FHIT: variants seen among roughly 807,000 people sequenced by gnomAD.
The protein encoded by FHIT is bis(5'-adenosyl)-triphosphatase.
Under a neutral mutation model 17.9 loss-of-function variants are expected in FHIT, and 19 were observed. The observed-to-expected ratio is 1.06, with a 90% confidence interval of 0.74 to 1.56. The LOEUF (loss-of-function observed/expected upper bound fraction) is 1.56. Ranked by LOEUF, FHIT falls within the 40% of genes most tolerant of loss-of-function variation. FHIT has a pLI of 0.00. For synonymous variants in FHIT, 81 were observed against 69.7 expected (o/e 1.16, Z -0.81); for missense variants, 248 against 189.2 (o/e 1.31, Z -1.82).
intron 5 of FHIT, among the ~76,000 whole-genome samples, chr3:60,352,995 T>A (rs915275803): frequency 8.5e-5 from 13 of 152,210 alleles, no homozygotes; most frequent in Non-Finnish European, 1.8e-4. Flanking sequence ...GGTGGCTCAC[T>A]GGATGGCATT....
intron 7 of FHIT, among the ~76,000 whole-genome samples, chr3:59,936,438 A>G (rs1276825564): frequency 7.2e-6 from 1 of 139,854 alleles, no homozygotes; most frequent in Admixed American, 7.3e-5. Flanking sequence ...ACTGTTTGCT[A>G]TACACATAAT....
chr3:60,630,945 A>ACC (rs1278183186), intron 4 of FHIT, among the ~76,000 whole-genome samples: 7 of 108,158 alleles, frequency 6.5e-5, no homozygotes, highest in Non-Finnish European at 1.2e-4. Context: ...AAAAAAAAAA[A>ACC]AAAAAAAAAA....
At chr3:60,513,496 A>G (rs1324754281) in intron 5 of FHIT, among the ~76,000 whole-genome samples, 2 of 152,214 alleles carry the variant, frequency 1.3e-5, no homozygotes, top group African/African-American at 4.8e-5. Context: ...TCCCCTACAT[A>G]AAAAAGGCAA....
intron 5 of FHIT, among the ~76,000 whole-genome samples, chr3:60,148,220 C>T (rs952062218): frequency 1.3e-5 from 2 of 152,174 alleles, no homozygotes; most frequent in Non-Finnish European, 1.5e-5. Context: ...CAGTGTTATA[C>T]ATTACACATA....
At chr3:60,335,624 C>A (rs1483330235) in intron 5 of FHIT, among the ~76,000 whole-genome samples, 2 of 152,016 alleles carry the variant, frequency 1.3e-5, no homozygotes, top group Non-Finnish European at 2.9e-5. Flanking sequence ...TAGCCCAAAT[C>A]GGGTGCTGTG....
intron 5 of FHIT, among the ~76,000 whole-genome samples, chr3:60,171,986 G>T (rs980732677): frequency 6.6e-6 from 1 of 151,960 alleles, no homozygotes; most frequent in African/African-American, 2.4e-5. Context: ...TGCCTTTCAC[G>T]TATCAGGTAG....
intron 3 of FHIT, among the ~76,000 whole-genome samples, chr3:60,874,094 G>C (rs1361973254): frequency 6.6e-6 from 1 of 152,162 alleles, no homozygotes; most frequent in African/African-American, 2.4e-5. Context: ...CTTATGAGTT[G>C]TGTAACCTGG....
intron 2 of FHIT, among the ~76,000 whole-genome samples, chr3:61,152,802 T>C (rs1247402598): frequency 6.6e-6 from 1 of 152,186 alleles, no homozygotes; most frequent in Non-Finnish European, 1.5e-5. Context: ...GTAGGAAAGA[T>C]GGCTGTGGGT....
chr3:60,563,077 G>A (rs569049484), intron 4 of FHIT, among the ~76,000 whole-genome samples: 1 of 152,240 alleles, frequency 6.6e-6, no homozygotes, highest in South Asian at 2.1e-4. Context: ...TGTTCTACGT[G>A]AAACTTTGGA....
In FHIT at chr3:60,151,698, G is replaced by A. The variant is rs141346395; in HGVS notation, c.104-137546C>T. Among the ~76,000 whole-genome samples the A allele has an allele frequency of 3.8e-3, 584 of 151,990 alleles. 5 individuals carry two copies. The highest frequency in any genetic ancestry group is 0.013 in the African/African-American group (544 of 41,442). On this transcript the variant is annotated intron_variant, in intron 5 of 9. Coordinates refer to ENST00000492590, the MANE Select transcript of FHIT (RefSeq NM_002012.4). ...AACATTCCAAGATCTTTCTCTCCTC[G>A]GGGGCTTTAAACCTTCCTACCTCTG...
At chr3:60,997,152 T>C (rs1311810116) in intron 3 of FHIT, among the ~76,000 whole-genome samples, 2 of 152,208 alleles carry the variant, frequency 1.3e-5, no homozygotes, top group Non-Finnish European at 2.9e-5. Context: ...TCCTAGTGCA[T>C]TTCCTAATTT....
intron 1 of FHIT, among the ~76,000 whole-genome samples, chr3:61,245,235 A>G (rs1344610303): frequency 6.6e-6 from 1 of 152,190 alleles, no homozygotes; most frequent in Non-Finnish European, 1.5e-5. Flanking sequence ...AAGCATTTCA[A>G]TGGGTTACCT....
chr3:60,862,702 C>T (rs1286753908), intron 3 of FHIT, among the ~76,000 whole-genome samples: 4 of 151,800 alleles, frequency 2.6e-5, no homozygotes, highest in Admixed American at 2.0e-4. Flanking sequence ...AAATACAAAA[C>T]TTAGCCAGGC....
intron 5 of FHIT, among the ~76,000 whole-genome samples, chr3:60,252,901 G>A (rs1474595566): frequency 6.6e-6 from 1 of 152,040 alleles, no homozygotes; most frequent in Non-Finnish European, 1.5e-5. Flanking sequence ...GGGAGGCTGA[G>A]GCAGGAGAAT....
intron 7 of FHIT, among the ~76,000 whole-genome samples, chr3:59,963,456 A>G (rs1171345901): frequency 6.6e-6 from 1 of 151,964 alleles, no homozygotes; most frequent in African/African-American, 2.4e-5. Flanking sequence ...TTTTTGTTAC[A>G]TGAGAGAGAG....
At chr3:60,543,906 G>GGTTTTTTT (rs1184405600) in intron 4 of FHIT, among the ~76,000 whole-genome samples, 1 of 10,924 alleles carries the variant, frequency 9.2e-5, no homozygotes, top group African/African-American at 5.6e-4. Flanking sequence ...ACCACGCCCG[G>GGTTTTTTT]CTTTTTTTTT....
At chr3:60,337,586 G>A (rs1710304991) in intron 5 of FHIT, among the ~76,000 whole-genome samples, 1 of 152,046 alleles carries the variant, frequency 6.6e-6, no homozygotes, top group Non-Finnish European at 1.5e-5. Context: ...TAAACCTATG[G>A]CAAAAATACC....
intron 3 of FHIT, among the ~76,000 whole-genome samples, chr3:61,027,511 G>A (rs1030638840): frequency 6.6e-6 from 1 of 152,136 alleles, no homozygotes; most frequent in Non-Finnish European, 1.5e-5. Context: ...AATTCACATT[G>A]GTAGCTTGAA....
intron 3 of FHIT, among the ~76,000 whole-genome samples, chr3:60,980,652 A>T (rs930547806): frequency 4.6e-4 from 70 of 152,190 alleles, no homozygotes; most frequent in Middle Eastern, 3.4e-3. Context: ...AAGATGGGGG[A>T]ATGGGGACAT....
Sources: allele counts gnomAD v4.1 joint callset (sites outside exome capture counted in the v4.1 genomes callset), GRCh38; gene constraint gnomAD v4.1.1; transcripts MANE v1.5; gene names NCBI Gene and HGNC (gene_info 2026-07-23, HGNC 2026-07-21).